The following KLHDC1 variants were observed in gnomAD, a reference collection of about 807,000 sequenced individuals.
The protein encoded by KLHDC1 is kelch domain-containing protein 1.
KLHDC1 carries 53 observed loss-of-function variants against 68.3 expected under a neutral mutation model. That is an observed-to-expected ratio of 0.78 (90% CI 0.62 to 0.98). The LOEUF is 0.98. KLHDC1 is among the 50% of genes least tolerant of loss of function. KLHDC1 has a pLI of 0.00. For synonymous variants in KLHDC1, 148 were observed against 159.0 expected, an observed-to-expected ratio of 0.93 and a Z score of 0.52; for missense variants, 470 against 492.3, an observed-to-expected ratio of 0.95 and a Z score of 0.43.
At position 49,749,957 on chromosome 14, in the gene KLHDC1, G is replaced by T. The variant is rs866011370; in HGVS notation, c.1035-1629G>T. Among the ~76,000 whole-genome samples the T allele has an allele frequency of 3.9e-5, 6 of 152,124 alleles. 1 individual carries two copies. Among genetic ancestry groups the T allele is most frequent in the African/African-American group, 1.4e-4 (6 of 41,432 alleles). Reference sequence around the variant, plus strand: ...CACCTGTAATAACAGCTACTCAGGAGGCTGAGGCAGGAGAATCGCTTGAAC... The same window carrying T: ...CACCTGTAATAACAGCTACTCAGGATGCTGAGGCAGGAGAATCGCTTGAAC... On this transcript the variant is annotated intron_variant, in intron 12 of 12. Transcript: ENST00000359332.
At chr14:49,713,829 TATATATATATATA>T (rs1192009704) in intron 4 of KLHDC1, among the ~76,000 whole-genome samples, 194 of 9,944 alleles carry the variant, frequency 0.02, 18 homozygotes, top group Non-Finnish European at 0.027. Flanking sequence ...TATATATATA[TATATATATATATA>T]TATATATATT....
chr14:49,730,358 A>G (rs1208817338), intron 8 of KLHDC1, among the ~76,000 whole-genome samples: 1 of 151,216 alleles, frequency 6.6e-6, no homozygotes, highest in Non-Finnish European at 1.5e-5. Context: ...AGTAGCTGGG[A>G]CTACAGGCGC....
chr14:49,742,042 A>G (rs1889077427), intron 11 of KLHDC1, among the ~76,000 whole-genome samples: 1 of 152,222 alleles, frequency 6.6e-6, no homozygotes, highest in Admixed American at 6.5e-5. Flanking sequence ...TGAAGCCCCT[A>G]ACTTAAATGT....
intron 1 of KLHDC1, among the ~76,000 whole-genome samples, chr14:49,705,915 C>T (rs1888039505): frequency 6.6e-6 from 1 of 152,118 alleles, no homozygotes; most frequent in African/African-American, 2.4e-5. Flanking sequence ...TATTTTGATA[C>T]AGGCATGCAA....
intron 10 of KLHDC1, among the ~76,000 whole-genome samples, chr14:49,737,902 C>G (rs1297483502): frequency 1.3e-5 from 2 of 148,794 alleles, no homozygotes; most frequent in Middle Eastern, 3.5e-3. Flanking sequence ...AATCAAAGTA[C>G]TCTAAAAGTC....
At chr14:49,738,496 G>A (rs767326995) in intron 10 of KLHDC1, among the ~76,000 whole-genome samples, 1 of 151,914 alleles carries the variant, frequency 6.6e-6, no homozygotes, top group African/African-American at 2.4e-5. Flanking sequence ...ACAGGCATGC[G>A]CCAACAAGCT....
In KLHDC1 at chr14:49,710,298, C is replaced by G. The variant is rs1248096519; in HGVS notation, c.321C>G (p.Thr107=). The change falls in exon 4 of 13, where the codon ACC becomes ACG. Residue 107 remains threonine (T), a synonymous_variant. Coordinates refer to ENST00000359332, the MANE Select transcript of KLHDC1 (RefSeq NM_172193.3). The part of the protein sequence containing the change: ...YFVNLRTRDE[T]YIWEKITDFE... ...TTAATTTACGAACAAGAGATGAAAC[C>G]TACATTTGGGAGAAAATCACCGACT... is the stretch of plus-strand genomic sequence containing the variant. The G allele has an allele frequency of 6.2e-7, 1 of 1,609,640 alleles. No homozygotes were observed. Among genetic ancestry groups the G allele is most frequent in the Admixed American group, 1.7e-5 (1 of 59,954 alleles).
At chr14:49,746,104 A>C (rs1889193881) in intron 12 of KLHDC1, among the ~76,000 whole-genome samples, 1 of 152,192 alleles carries the variant, frequency 6.6e-6, no homozygotes, top group Non-Finnish European at 1.5e-5. Context: ...TTGGTAGTTA[A>C]ATAGATGCCA....
In KLHDC1 at chr14:49,703,439, T is replaced by A. The variant is rs1887962412; in HGVS notation, c.97-5720T>A. ...CTCACTGCAACCTCCGCCTCCTGGG[T>A]TCAAGTGATCCTCCTGCCTCAGCCT... On this transcript the variant is annotated intron_variant, in intron 1 of 12. Transcript: ENST00000359332. Among the ~76,000 whole-genome samples the A allele has an allele frequency of 2.6e-5, 4 of 151,766 alleles. No homozygotes were observed. The South Asian group carries it at 8.3e-4, about 32-fold the overall frequency.
chr14:49,696,067 G>GAA (rs879851434), intron 1 of KLHDC1, among the ~76,000 whole-genome samples: 31 of 113,598 alleles, frequency 2.7e-4, no homozygotes, highest in Admixed American at 3.5e-4. Context: ...CTCTGTCTCA[G>GAA]AAAAAAAAAA....
intron 10 of KLHDC1, among the ~76,000 whole-genome samples, 192 bp downstream of exon 10, chr14:49,734,853 A>G (rs1313896456): frequency 6.6e-6 from 1 of 152,136 alleles, no homozygotes; most frequent in Non-Finnish European, 1.5e-5. Context: ...TGATCTATCC[A>G]GTTTTCACCC....
At chr14:49,729,642 G>A in intron 8 of KLHDC1, 94 bp downstream of exon 8, 2 of 785,014 alleles carry the variant, frequency 2.5e-6, no homozygotes, top group Non-Finnish European at 4.2e-6. Context: ...AAACTGGACT[G>A]GTATTTTTTT....
intron 5 of KLHDC1, among the ~76,000 whole-genome samples, chr14:49,724,596 G>T (rs561241851): frequency 5.3e-5 from 8 of 151,478 alleles, no homozygotes. Flanking sequence ...ATATTGCTTT[G>T]TATATGGGTA....
At position 49,752,581 on chromosome 14, in the gene KLHDC1, AATGAG is replaced by A. The variant is rs1374345344; in HGVS notation, c.*813_*817del. The A allele has an allele frequency of 1.2e-4, 19 of 152,630 alleles. No homozygotes were observed. The highest frequency in any genetic ancestry group is 1.6e-4 in the Non-Finnish European group (11 of 67,938). The allele number at this position is 152,630 out of a possible 1,614,324, so 9.5% of individuals were successfully genotyped here. A position where few individuals can be genotyped will look rare whatever the true frequency, so the allele number is the denominator to read the frequency against. On this transcript the variant is annotated 3_prime_UTR_variant, in exon 13 of 13. Transcript: ENST00000359332. Reference sequence around the variant, plus strand: ...TGCTTCTAAAGTAATTTTTGTAAGTAATGAGATGGGATGGTAATCTAGTAATTTGA... The same window carrying A: ...TGCTTCTAAAGTAATTTTTGTAAGTAATGGGATGGTAATCTAGTAATTTGA...
rs542057180 is a variant in KLHDC1, at chr14:49,750,183, G to C, written c.1035-1403G>C. Among the ~76,000 whole-genome samples, 5 of 152,134 alleles carry C rather than the reference G, an allele frequency of 3.3e-5. No individual in the cohort carries two copies. The East Asian group carries it at 7.7e-4, about 23-fold the overall frequency. On this transcript the variant is annotated intron_variant, in intron 12 of 12. Transcript: ENST00000359332. ...CCAGAGACAAACAGCAGATTCCTTC[G>C]CATGGTCCTCAGGGCCTCCATTTAT...
intron 12 of KLHDC1, among the ~76,000 whole-genome samples, chr14:49,746,400 T>C (rs1889199892): frequency 6.6e-6 from 1 of 151,862 alleles, no homozygotes; most frequent in African/African-American, 2.4e-5. Flanking sequence ...CCTTACTACA[T>C]TTGAGGGGGA....
At chr14:49,728,428 G>C (rs1010964447) in intron 6 of KLHDC1, among the ~76,000 whole-genome samples, 1 of 152,216 alleles carries the variant, frequency 6.6e-6, no homozygotes, top group African/African-American at 2.4e-5. Context: ...GTAAGAGAGA[G>C]AGCACTGTCT....
intron 4 of KLHDC1, among the ~76,000 whole-genome samples, chr14:49,713,309 T>C (rs1280286799): frequency 2.0e-5 from 3 of 152,192 alleles, no homozygotes; most frequent in African/African-American, 7.2e-5. Flanking sequence ...TGTCTCTGTA[T>C]GTTAGCAAGC....
intron 2 of KLHDC1, among the ~76,000 whole-genome samples, 157 bp from the exon 3 acceptor site, chr14:49,709,552 T>C (rs567958988): frequency 3.3e-5 from 5 of 152,294 alleles, no homozygotes; most frequent in African/African-American, 1.2e-4. Flanking sequence ...AGTTTTACCC[T>C]GGATCTTCTT....
Sources: allele counts gnomAD v4.1 joint callset (sites outside exome capture counted in the v4.1 genomes callset), GRCh38; gene constraint gnomAD v4.1.1; transcripts MANE v1.5; gene names NCBI Gene and HGNC (gene_info 2026-07-23, HGNC 2026-07-21).